EPB41L1: variants seen among roughly 807,000 people sequenced by gnomAD.
The protein encoded by EPB41L1 is erythrocyte membrane protein band 4.1 like 1, also known as band 4.1-like protein 1.
Under a neutral mutation model 97.8 loss-of-function variants are expected in EPB41L1, and 29 were observed. The observed-to-expected ratio is 0.30, with a 90% CI of 0.22 to 0.40. EPB41L1 has a LOEUF of 0.40. Among genes scored for constraint, EPB41L1 ranks in the 10% least tolerant of loss-of-function variants. EPB41L1 has a pLI of 1.00. For synonymous variants in EPB41L1, 383 were observed against 459.2 expected (o/e 0.83, Z 2.12); for missense variants, 812 against 1,162.3 (o/e 0.70, Z 4.38).
At position 36,207,846 on chromosome 20, in the gene EPB41L1, C is replaced by T; in HGVS notation, c.1669-1642C>T. On this transcript the variant is annotated intron_variant, in intron 14 of 21. Transcript: ENST00000338074. This position sits in a 1 kb window ranked among gnomAD's most constrained non-coding sequence, Gnocchi z 4.9. ...CGCCCATGGGGGCTGGCCGCATGCT[C>T]TGTAGTTTTTAGAAGCATGTTTCAG... 1 of 1,223,380 alleles carries T rather than the reference C, an allele frequency of 8.2e-7. No homozygotes were observed. The highest frequency in any genetic ancestry group is 1.0e-6 in the Non-Finnish European group (1 of 956,312). The allele number at this position is 1,223,380 out of a possible 1,614,324, so 75.8% of individuals were successfully genotyped here.
chr20:36,133,512 G>A (rs2059299977), intron 2 of EPB41L1, among the ~76,000 whole-genome samples: 1 of 152,188 alleles, frequency 6.6e-6, no homozygotes, highest in Non-Finnish European at 1.5e-5. Context: ...TGAGACAGAG[G>A]TACCTTCTTG....
intron 1 of EPB41L1, among the ~76,000 whole-genome samples, chr20:36,170,034 G>C (rs1222710865): frequency 6.6e-6 from 1 of 152,204 alleles, no homozygotes; most frequent in Non-Finnish European, 1.5e-5. Flanking sequence ...CCATGCCCAC[G>C]TGACGGGCTA....
At chr20:36,187,915 C>G in intron 8 of EPB41L1, 152 bp downstream of exon 8, 2 of 730,140 alleles carry the variant, frequency 2.7e-6, no homozygotes, top group Non-Finnish European at 4.8e-6. Flanking sequence ...GTTCCATAAC[C>G]TTTTATTTTC....
chr20:36,202,991 G>T (rs2062583253), intron 14 of EPB41L1, among the ~76,000 whole-genome samples: 2 of 152,236 alleles, frequency 1.3e-5, no homozygotes, highest in African/African-American at 2.4e-5. Flanking sequence ...AGCTTCCTTT[G>T]CTGCAGTGCC....
At position 36,207,124 on chromosome 20, in the gene EPB41L1, C is replaced by G; in HGVS notation, c.1669-2364C>G. 1 of 1,289,462 alleles carries G rather than the reference C, an allele frequency of 7.8e-7. No individual in the cohort carries two copies. Among genetic ancestry groups the G allele is most frequent in the South Asian group, 1.2e-5 (1 of 81,004 alleles). 79.9% of individuals were successfully genotyped at this position (1,289,462 alleles called of 1,614,324 possible). Reference sequence around the variant, plus strand: ...TGGTCATTCTGAGGACCTGGCAGCTCTGGAGGAAGCTTCTCCAAGCCCAAC... The same window carrying G: ...TGGTCATTCTGAGGACCTGGCAGCTGTGGAGGAAGCTTCTCCAAGCCCAAC... On this transcript the variant is annotated intron_variant, in intron 14 of 21. Transcript: ENST00000338074. The surrounding 1 kb of genome is among the most constrained non-coding windows in gnomAD (Gnocchi z 4.9).
intron 1 of EPB41L1, among the ~76,000 whole-genome samples, chr20:36,161,695 G>A (rs1600676304): frequency 6.6e-6 from 1 of 151,924 alleles, no homozygotes; most frequent in African/African-American, 2.4e-5. Context: ...GGCTGGTCTC[G>A]AACTCCTGAC....
At chr20:36,094,157 A>G (rs2147444089) in intron 1 of EPB41L1, among the ~76,000 whole-genome samples, 1 of 152,292 alleles carries the variant, frequency 6.6e-6, no homozygotes, top group Admixed American at 6.5e-5. Context: ...TGTATAGTGA[A>G]CAGTGAAAAT....
In EPB41L1 at chr20:36,154,899, A is replaced by G; in HGVS notation, c.-15+3A>G. The G allele has an allele frequency of 9.6e-7, 1 of 1,039,196 alleles. No individual in the cohort carries two copies. The highest frequency in any genetic ancestry group is 3.0e-5 in the South Asian group (1 of 33,144). 64.4% of individuals were successfully genotyped at this position (1,039,196 alleles called of 1,614,324 possible). A position where few individuals can be genotyped will look rare whatever the true frequency, so the allele number is the denominator to read the frequency against. On this transcript the variant is annotated splice_donor_region_variant and intron_variant, in intron 1 of 21. Coordinates refer to ENST00000338074, the MANE Select transcript of EPB41L1 (RefSeq NM_012156.2). The surrounding 1 kb of genome is among the most constrained non-coding windows in gnomAD (Gnocchi z 5.5). ...GACATGGGGAACCCCGGGCCCAGGT[A>G]GGCACATGGGGGAATCAGGTGGCTC...
Position 36,154,964 on chromosome 20 carries a change from G to T in EPB41L1, c.-15+68G>T. 1 of 1,163,094 alleles carries T rather than the reference G, an allele frequency of 8.6e-7. No individual in the cohort carries two copies. Among genetic ancestry groups the T allele is most frequent in the Non-Finnish European group, 1.1e-6 (1 of 919,620 alleles). The allele number at this position is 1,163,094 out of a possible 1,614,324, so 72.0% of individuals were successfully genotyped here. Reference sequence around the variant, plus strand: ...TTGCAACATCTAGGCCCAGCCTCCAGCCCTGGGGAGGAACGGGGGCGAGGC... The same window carrying T: ...TTGCAACATCTAGGCCCAGCCTCCATCCCTGGGGAGGAACGGGGGCGAGGC... On this transcript the variant is annotated intron_variant, in intron 1 of 21. Transcript: ENST00000338074. This position sits in a 1 kb window ranked among gnomAD's most constrained non-coding sequence, Gnocchi z 5.5.
rs538319681 is a variant in EPB41L1 at position 36,137,080 on chromosome 20, T to C, written c.-10+24600T>C. Among the ~76,000 whole-genome samples the C allele has an allele frequency of 2.2e-4, 33 of 149,812 alleles. 1 individual carries two copies. The highest frequency in any genetic ancestry group is 7.6e-4 in the African/African-American group (31 of 41,016). On this transcript the variant is annotated intron_variant, in intron 2 of 19. Transcript: ENST00000202028. The stretch of plus-strand genomic sequence containing the variant: ...TTTTTCCTTTTCTTTCCTTTCCTTT[T>C]TTTTTTTTTTTTGAGACAGGGTTTC...
intron 13 of EPB41L1, among the ~76,000 whole-genome samples, chr20:36,196,428 A>ACTAC (rs1334629927): frequency 6.6e-6 from 1 of 152,206 alleles, no homozygotes; most frequent in African/African-American, 2.4e-5. Context: ...GTTGGGACTC[A>ACTAC]CTACCCATTG....
intron 21 of EPB41L1, among the ~76,000 whole-genome samples, chr20:36,225,926 T>C (rs73618573): frequency 2.6e-5 from 4 of 152,328 alleles, no homozygotes; most frequent in East Asian, 1.9e-4. Context: ...TCTTTAGTTC[T>C]TTCTTTGCTG....
intron 2 of EPB41L1, among the ~76,000 whole-genome samples, chr20:36,148,948 G>A (rs756805833): frequency 2.6e-5 from 4 of 152,314 alleles, no homozygotes; most frequent in African/African-American, 7.2e-5. Flanking sequence ...CATGCGGGGC[G>A]GAGATGGGGC....
chr20:36,102,223 A>G (rs957148922), intron 1 of EPB41L1, among the ~76,000 whole-genome samples: 1 of 152,008 alleles, frequency 6.6e-6, no homozygotes, highest in African/African-American at 2.4e-5. Context: ...CCCTTGTAGA[A>G]GGCTGGCCTC....
At position 36,187,912 on chromosome 20, in the gene EPB41L1, A is replaced by G. The variant is rs989302375; in HGVS notation, c.873+149A>G. On this transcript the variant is annotated intron_variant, in intron 8 of 21. Transcript: ENST00000338074. Reference sequence around the variant, plus strand: ...TCATTCTCATTTCTCGAAGTTCCATAACCTTTTATTTTCTCATGATCTGTA... The same window carrying G: ...TCATTCTCATTTCTCGAAGTTCCATGACCTTTTATTTTCTCATGATCTGTA... 1.4e-5 allele frequency: 10 copies of G among 738,626 alleles called. No homozygotes were observed. The African/African-American group carries it at 1.6e-4, about 12-fold the overall frequency. 45.8% of individuals were successfully genotyped at this position (738,626 alleles called of 1,614,324 possible). A position where few individuals can be genotyped will look rare whatever the true frequency, so the allele number is the denominator to read the frequency against.
intron 14 of EPB41L1, chr20:36,205,905 T>G: frequency 7.8e-7 from 1 of 1,289,760 alleles, no homozygotes; most frequent in Non-Finnish European, 1.0e-6. Context: ...AAGAGCTCGG[T>G]CTCCTAAAAG....
intron 2 of EPB41L1, among the ~76,000 whole-genome samples, chr20:36,175,070 G>T (rs934542804): frequency 6.6e-6 from 1 of 152,158 alleles, no homozygotes; most frequent in African/African-American, 2.4e-5. Flanking sequence ...GATCACTGAG[G>T]GCATCAGCAG....
In EPB41L1 at chr20:36,107,339, G is replaced by C. The variant is rs893376897; in HGVS notation, c.-64-5087G>C. ...GGCTTCGAGCAATTCTCCTGCCTCA[G>C]CCTCCTGAGTAGCTGGGATTACAGA... On this transcript the variant is annotated intron_variant, in intron 1 of 19. Coordinates refer to the EPB41L1 transcript ENST00000202028. 4.0e-5 allele frequency among the ~76,000 whole-genome samples: 6 copies of C among 149,242 alleles called. No homozygotes were observed. The East Asian group carries it at 1.2e-3, about 31-fold the overall frequency.
chr20:36,221,275 A>G (rs745763022), intron 19 of EPB41L1, among the ~76,000 whole-genome samples: 1 of 152,252 alleles, frequency 6.6e-6, no homozygotes, highest in Non-Finnish European at 1.5e-5. Context: ...AGCGGAGGTC[A>G]TAAGTATCAT....
Sources: allele counts gnomAD v4.1 joint callset (sites outside exome capture counted in the v4.1 genomes callset), GRCh38; gene constraint gnomAD v4.1.1; non-coding constraint Gnocchi (gnomAD v3.1); transcripts MANE v1.5; gene names NCBI Gene and HGNC (gene_info 2026-07-23, HGNC 2026-07-21).